TAF15: variants seen among roughly 807,000 people sequenced by gnomAD.
The protein encoded by TAF15 is TATA-box binding protein associated factor 15.
Under a neutral mutation model 102.5 loss-of-function variants are expected in TAF15, and 37 were observed. The ratio of observed to expected loss-of-function variants is 0.36; its 90% CI spans 0.28 to 0.47. The LOEUF (loss-of-function observed/expected upper bound fraction) is 0.47, where lower values mean the gene tolerates loss of function less well. Ranked by LOEUF, TAF15 falls within the 20% of genes least tolerant of loss-of-function variation. The probability of loss-of-function intolerance (pLI) is 0.99; values close to 1 mark genes in which losing one functional copy is unlikely to be tolerated. For missense variants in TAF15, 652 were observed against 760.7 expected (o/e 0.86, Z 1.68); for synonymous variants, 273 against 259.2 (o/e 1.05, Z -0.51).
Position 35,822,685 on chromosome 17 carries a change from A to C in TAF15, c.336A>C (p.Gln112His). 2 of 1,614,190 alleles carry C rather than the reference A, an allele frequency of 1.2e-6. No homozygotes were observed. The highest frequency in any genetic ancestry group is 1.7e-6 in the Non-Finnish European group (2 of 1,180,024). The change falls in exon 6 of 16, where the codon CAA (glutamine) becomes CAC (histidine). Residue 112 changes from glutamine to histidine, a missense_variant. By Grantham distance (24) the Gln-to-His change is conservative. Coordinates refer to ENST00000605844, the MANE Select transcript of TAF15 (RefSeq NM_139215.3). ...APSYDQPDYG[Q>H]QDSYDQQSGY... is the part of the protein sequence containing the mutation. Reference sequence around the variant, plus strand: ...CCTATGACCAGCCAGACTATGGTCAACAAGATTCATATGACCAGCAGTCAG... The same window carrying C: ...CCTATGACCAGCCAGACTATGGTCACCAAGATTCATATGACCAGCAGTCAG...
At position 35,838,676 on chromosome 17, in the gene TAF15, C is replaced by T. The variant is rs377355505; in HGVS notation, c.913+123C>T. 1.3e-5 allele frequency: 18 copies of T among 1,433,420 alleles called. No homozygotes were observed. The East Asian group carries it at 3.3e-4, about 26-fold the overall frequency. The allele number at this position is 1,433,420 out of a possible 1,614,324, so 88.8% of individuals were successfully genotyped here. On this transcript the variant is annotated intron_variant, in intron 11 of 15. Transcript: ENST00000605844. ...TTTACTTTTGCAGATATTAAGAATA[C>T]AGGTCAGAATTTTTATGTACCTTTA...
At chr17:35,831,547 T>A (rs1298633570) in intron 7 of TAF15, among the ~76,000 whole-genome samples, 2 of 152,178 alleles carry the variant, frequency 1.3e-5, no homozygotes, top group Admixed American at 1.3e-4. Flanking sequence ...GTTATATTAC[T>A]GGCCAGAATG....
chr17:35,817,828 A>C, intron 2 of TAF15, 73 bp downstream of exon 2: 1 of 1,304,682 alleles, frequency 7.7e-7, no homozygotes, highest in Non-Finnish European at 1.1e-6. Flanking sequence ...TCTTCTCTTG[A>C]GACTTGATGC....
chr17:35,842,915 T>G (rs1307097896), intron 12 of TAF15, among the ~76,000 whole-genome samples: 1 of 150,912 alleles, frequency 6.6e-6, no homozygotes, highest in African/African-American at 2.4e-5. Context: ...GTATTTTTAA[T>G]AGAGATGATT....
intron 7 of TAF15, among the ~76,000 whole-genome samples, chr17:35,828,208 G>A (rs1254797988): frequency 1.3e-5 from 2 of 152,128 alleles, no homozygotes; most frequent in African/African-American, 4.8e-5. Flanking sequence ...AAATACACAT[G>A]TATACAAGGG....
chr17:35,842,601 A>G (rs565200377), intron 12 of TAF15, 142 bp downstream of exon 12: 2 of 680,960 alleles, frequency 2.9e-6, no homozygotes, highest in East Asian at 2.7e-5. Flanking sequence ...GAGTTCAGGT[A>G]CTGAATATAT....
At chr17:35,841,356 A>G (rs1027551001) in intron 11 of TAF15, among the ~76,000 whole-genome samples, 1 of 152,222 alleles carries the variant, frequency 6.6e-6, no homozygotes, top group Non-Finnish European at 1.5e-5. Flanking sequence ...ATTCCCTTAA[A>G]TAAACAAATG....
chr17:35,819,323 G>C (rs777055733), intron 2 of TAF15, among the ~76,000 whole-genome samples: 1 of 152,166 alleles, frequency 6.6e-6, no homozygotes, highest in Non-Finnish European at 1.5e-5. Flanking sequence ...TCATAGTATA[G>C]ATTCAGAAAG....
intron 11 of TAF15, among the ~76,000 whole-genome samples, chr17:35,841,696 CTTTTT>C (rs549802660): frequency 1.5e-5 from 2 of 135,184 alleles, no homozygotes; most frequent in Non-Finnish European, 3.2e-5. Context: ...TCACGCCCAG[CTTTTT>C]TTTTTTTTTT....
intron 7 of TAF15, among the ~76,000 whole-genome samples, chr17:35,829,578 G>A (rs1287889489): frequency 2.2e-5 from 3 of 136,686 alleles, no homozygotes; most frequent in African/African-American, 8.5e-5. Context: ...GTTGCAGTGA[G>A]CCGAGATCGT....
At chr17:35,825,420 C>G (rs972499497) in intron 7 of TAF15, among the ~76,000 whole-genome samples, 2 of 152,132 alleles carry the variant, frequency 1.3e-5, no homozygotes, top group Admixed American at 6.6e-5. Flanking sequence ...TTACTCTCTA[C>G]CTAATAATAG....
At chr17:35,842,559 C>T (rs1435715356) in intron 12 of TAF15, 100 bp downstream of exon 12, 4 of 902,582 alleles carry the variant, frequency 4.4e-6, no homozygotes, top group African/African-American at 3.3e-5. Context: ...TGCTTTTTCT[C>T]TCGCTAGGTC....
At chr17:35,825,637 T>C (rs1332888363) in intron 7 of TAF15, among the ~76,000 whole-genome samples, 1 of 152,082 alleles carries the variant, frequency 6.6e-6, no homozygotes. Flanking sequence ...AGGGAATAGG[T>C]AGGGAAGTCA....
In TAF15 at chr17:35,844,945, A is replaced by G. The variant is rs202014042; in HGVS notation, c.1646A>G (p.Tyr549Cys). Residue 549 changes from tyrosine (Y) to cysteine (C), a missense_variant, in exon 15 of 16, where the codon TAT becomes TGT. Tyr to Cys is a radical substitution (Grantham distance 194). Transcript: ENST00000605844. ...SGYGGDRSGG[Y>C]GGDRSGGGYG... The stretch of plus-strand genomic sequence containing the variant: ...TACGGTGGAGACCGAAGTGGAGGCT[A>G]TGGAGGAGACAGGAGTGGTGGCGGC... 1.5e-5 allele frequency: 24 copies of G among 1,582,460 alleles called. No homozygotes were observed. The East Asian group carries it at 2.3e-4, about 15-fold the overall frequency.
chr17:35,839,634 G>A (rs927672433), intron 11 of TAF15, among the ~76,000 whole-genome samples: 4 of 151,888 alleles, frequency 2.6e-5, no homozygotes, highest in Admixed American at 2.0e-4. Context: ...CGCCCACCTC[G>A]GCCTCCCAAA....
intron 5 of TAF15, among the ~76,000 whole-genome samples, chr17:35,821,895 C>G (rs1045915649): frequency 3.3e-5 from 5 of 152,042 alleles, no homozygotes; most frequent in Non-Finnish European, 5.9e-5. Context: ...GAGAAAAGAT[C>G]TAAAAATATT....
Position 35,809,526 on chromosome 17 carries a change from T to C in TAF15, c.-44T>C. The C allele has an allele frequency of 6.2e-7, 1 of 1,612,448 alleles. No individual in the cohort carries two copies. The highest frequency in any genetic ancestry group is 8.5e-7 in the Non-Finnish European group (1 of 1,179,586). ...CGCGCCGCCTGGCTTTCGTATTCGT[T>C]GTTCTCGGCGGGCTGTGGGGCCTCC... On this transcript the variant is annotated 5_prime_UTR_variant, in exon 1 of 16. Transcript: ENST00000605844.
At chr17:35,822,239 G>T (rs1356201003) in intron 5 of TAF15, among the ~76,000 whole-genome samples, 1 of 151,732 alleles carries the variant, frequency 6.6e-6, no homozygotes, top group African/African-American at 2.4e-5. Context: ...TACTCGGGAG[G>T]CTGAGGCAGG....
intron 7 of TAF15, among the ~76,000 whole-genome samples, chr17:35,831,252 C>G (rs2087401583): frequency 6.6e-6 from 1 of 151,680 alleles, no homozygotes; most frequent in East Asian, 1.9e-4. Context: ...AATACAAAAA[C>G]AAAAATTAGC....
Sources: allele counts gnomAD v4.1 joint callset (sites outside exome capture counted in the v4.1 genomes callset), GRCh38; gene constraint gnomAD v4.1.1; transcripts MANE v1.5; gene names NCBI Gene and HGNC (gene_info 2026-07-23, HGNC 2026-07-21).